The following CLRN1 variants were observed in gnomAD, a reference collection of about 807,000 sequenced individuals.
CLRN1 encodes clarin 1.
CLRN1 carries 15 observed loss-of-function variants against 18.7 expected under a neutral mutation model. The observed-to-expected ratio is 0.80, with a 90% confidence interval of 0.54 to 1.23. The LOEUF (loss-of-function observed/expected upper bound fraction) is 1.23. Ranked by LOEUF, CLRN1 falls within the 50% of genes most tolerant of loss-of-function variation. The pLI, the probability that CLRN1 is intolerant of heterozygous loss-of-function variation, is 0.00. For synonymous variants in CLRN1, 104 were observed against 102.9 expected (o/e 1.01, Z -0.07); for missense variants, 311 against 277.5 (o/e 1.12, Z -0.86).
chr3:150,952,097 A>C (rs562007882), intron 1 of CLRN1, among the ~76,000 whole-genome samples: 1 of 152,172 alleles, frequency 6.6e-6, no homozygotes, highest in African/African-American at 2.4e-5. Flanking sequence ...GTTGTCCACT[A>C]TGCCCCATCT....
intron 1 of CLRN1, among the ~76,000 whole-genome samples, chr3:150,942,290 G>A (rs1260377732): frequency 6.6e-6 from 1 of 152,176 alleles, no homozygotes; most frequent in Non-Finnish European, 1.5e-5. Context: ...GCACAAAGCT[G>A]TGGGAAAATA....
At chr3:150,943,213 C>A (rs1187766316) in intron 1 of CLRN1, among the ~76,000 whole-genome samples, 1 of 152,242 alleles carries the variant, frequency 6.6e-6, no homozygotes, top group Non-Finnish European at 1.5e-5. Flanking sequence ...AAAAACCTCA[C>A]TTTTGAGCTG....
chr3:150,972,385 A>C, intron 1 of CLRN1, 71 bp downstream of exon 1: 2 of 1,609,014 alleles, frequency 1.2e-6, no homozygotes, highest in South Asian at 2.2e-5. Context: ...AAATTCTCAA[A>C]TATAATTCCT....
At chr3:150,959,279 C>A (rs748745753) in intron 1 of CLRN1, among the ~76,000 whole-genome samples, 1 of 152,252 alleles carries the variant, frequency 6.6e-6, no homozygotes, top group South Asian at 2.1e-4. Flanking sequence ...GCATTGAAGG[C>A]ACATAAACTC....
chr3:150,944,754 CAA>C (rs778124504), intron 1 of CLRN1, among the ~76,000 whole-genome samples: 4 of 120,898 alleles, frequency 3.3e-5, no homozygotes, highest in Admixed American at 8.4e-5. Context: ...GAATCCGTCT[CAA>C]AAAAAAAAAA....
chr3:150,951,635 G>A (rs1283855872), intron 1 of CLRN1, among the ~76,000 whole-genome samples: 1 of 152,114 alleles, frequency 6.6e-6, no homozygotes, highest in Non-Finnish European at 1.5e-5. Context: ...ACCGCGCCCG[G>A]CCTGAGACTG....
chr3:150,943,071 A>G (rs1314766876), intron 1 of CLRN1, among the ~76,000 whole-genome samples: 1 of 152,182 alleles, frequency 6.6e-6, no homozygotes, highest in Non-Finnish European at 1.5e-5. Context: ...GTTAGGAGAG[A>G]CCCTATCAAG....
intron 1 of CLRN1, among the ~76,000 whole-genome samples, chr3:150,946,619 T>G (rs1454412920): frequency 6.6e-6 from 1 of 151,594 alleles, no homozygotes; most frequent in Non-Finnish European, 1.5e-5. Context: ...TGTAATAGAT[T>G]AAAAGAAATT....
chr3:150,949,189 G>T (rs1297423478), intron 1 of CLRN1, among the ~76,000 whole-genome samples: 5 of 152,042 alleles, frequency 3.3e-5, no homozygotes, highest in African/African-American at 1.2e-4. Flanking sequence ...CAATAAACTA[G>T]GTATTAAAGG....
chr3:150,968,136 G>A (rs181107921), intron 1 of CLRN1, among the ~76,000 whole-genome samples: 1 of 152,116 alleles, frequency 6.6e-6, no homozygotes, highest in Admixed American at 6.5e-5. Flanking sequence ...GAACTATCTT[G>A]GCAATGAATA....
At chr3:150,929,246 C>G (rs1712997641) in intron 2 of CLRN1, among the ~76,000 whole-genome samples, 2 of 152,168 alleles carry the variant, frequency 1.3e-5, no homozygotes, top group African/African-American at 4.8e-5. Context: ...GCACTCCATA[C>G]TGGCTGGAAG....
chr3:150,970,691 G>T (rs985027044), intron 1 of CLRN1, among the ~76,000 whole-genome samples: 3 of 152,134 alleles, frequency 2.0e-5, no homozygotes, highest in Non-Finnish European at 4.4e-5. Flanking sequence ...ACTAGGCTAG[G>T]GGGAGAATGT....
intron 1 of CLRN1, among the ~76,000 whole-genome samples, chr3:150,959,234 A>C (rs1438900998): frequency 1.3e-5 from 2 of 152,126 alleles, no homozygotes; most frequent in Middle Eastern, 3.2e-3. Context: ...CATCATGGGC[A>C]CTCAATAATC....
At chr3:150,940,423 T>G in intron 2 of CLRN1, 2 of 1,457,310 alleles carry the variant, frequency 1.4e-6, no homozygotes, top group Non-Finnish European at 1.8e-6. Context: ...CTATACACGT[T>G]TGTGGTTGGG....
chr3:150,928,484 T>C (rs909759809), intron 2 of CLRN1, among the ~76,000 whole-genome samples: 6 of 152,198 alleles, frequency 3.9e-5, no homozygotes, highest in African/African-American at 1.4e-4. Context: ...TTACAAAGAC[T>C]GGGAGATATT....
intron 2 of CLRN1, among the ~76,000 whole-genome samples, chr3:150,939,871 C>A (rs897291375): frequency 1.8e-4 from 27 of 152,354 alleles, no homozygotes; most frequent in African/African-American, 6.5e-4. Flanking sequence ...AGTCTGCCCA[C>A]ACCCTGAGCC....
At chr3:150,943,488 G>A (rs1350217344) in intron 1 of CLRN1, among the ~76,000 whole-genome samples, 1 of 152,164 alleles carries the variant, frequency 6.6e-6, no homozygotes, top group Admixed American at 6.5e-5. Flanking sequence ...CTTGACTTCA[G>A]GGGAGAGTGA....
At chr3:150,967,653 T>C (rs912213418) in intron 1 of CLRN1, among the ~76,000 whole-genome samples, 3 of 152,170 alleles carry the variant, frequency 2.0e-5, no homozygotes, top group African/African-American at 7.2e-5. Flanking sequence ...CAGAGCTACA[T>C]CAAAGACCTT....
At chr3:150,940,256 C>T (rs755537644) in intron 2 of CLRN1, among the ~76,000 whole-genome samples, 2 of 152,110 alleles carry the variant, frequency 1.3e-5, no homozygotes, top group Non-Finnish European at 2.9e-5. Flanking sequence ...AGCAGAATCT[C>T]CACTGGAGAG....
Sources: allele counts gnomAD v4.1 joint callset (sites outside exome capture counted in the v4.1 genomes callset), GRCh38; gene constraint gnomAD v4.1.1; transcripts MANE v1.5; gene names NCBI Gene and HGNC (gene_info 2026-07-23, HGNC 2026-07-21).